Variants in CSMD1 observed in about 807,000 individuals in gnomAD.
CSMD1 encodes CUB and sushi domain-containing protein 1.
Under a neutral mutation model 417.5 loss-of-function variants are expected in CSMD1, and 213 were observed. The observed-to-expected ratio is 0.51, with a 90% CI of 0.46 to 0.57. The LOEUF (loss-of-function observed/expected upper bound fraction) is 0.57, where lower values mean the gene tolerates loss of function less well. Ranked by LOEUF, CSMD1 falls within the 20% of genes least tolerant of loss-of-function variation. The pLI is 0.00. For synonymous variants in CSMD1, 2,862 were observed against 1,736.8 expected (o/e 1.65, Z -16.11); for missense variants, 6,923 against 4,529.7 (o/e 1.53, Z -15.17).
At chr8:3,862,377 G>A (rs1410329742) in intron 5 of CSMD1, among the ~76,000 whole-genome samples, 2 of 147,560 alleles carry the variant, frequency 1.4e-5, no homozygotes, top group African/African-American at 5.2e-5. Flanking sequence ...CTCTGATGTG[G>A]CCCTTTCATT....
chr8:4,725,725 G>C (rs1809387587), intron 1 of CSMD1, among the ~76,000 whole-genome samples: 1 of 152,146 alleles, frequency 6.6e-6, no homozygotes, highest in South Asian at 2.1e-4. Context: ...TCAGATAACA[G>C]AGAAACAATT....
chr8:4,043,048 C>T (rs1362392013), intron 3 of CSMD1, among the ~76,000 whole-genome samples: 3 of 152,004 alleles, frequency 2.0e-5, no homozygotes, highest in Non-Finnish European at 4.4e-5. Flanking sequence ...AGGAGAATCA[C>T]TTGAACCTTG....
chr8:3,264,632 T>A (rs1250145278), intron 26 of CSMD1, among the ~76,000 whole-genome samples: 1 of 152,218 alleles, frequency 6.6e-6, no homozygotes, highest in Non-Finnish European at 1.5e-5. Flanking sequence ...ACTGCTTTTG[T>A]GTTTCTTTCT....
intron 26 of CSMD1, among the ~76,000 whole-genome samples, chr8:3,283,733 C>G (rs1802920809): frequency 1.3e-5 from 2 of 152,232 alleles, no homozygotes; most frequent in Non-Finnish European, 2.9e-5. Context: ...CATAGACACA[C>G]AGGGAAGAAG....
At chr8:4,027,303 T>C (rs901435256) in intron 4 of CSMD1, among the ~76,000 whole-genome samples, 7 of 151,844 alleles carry the variant, frequency 4.6e-5, no homozygotes, top group Non-Finnish European at 7.4e-5. Context: ...GAGTCAGGAG[T>C]AGAAAGTAGG....
chr8:3,200,558 CAAA>C (rs1221536334), intron 32 of CSMD1, among the ~76,000 whole-genome samples: 16 of 141,704 alleles, frequency 1.1e-4, no homozygotes, highest in African/African-American at 3.2e-4. Context: ...GACTTTGTCT[CAAA>C]AAAAAATAAT....
chr8:4,786,170 C>A lies in CSMD1; in HGVS notation c.86-148612G>T, dbSNP rs79553622. On this transcript the variant is annotated intron_variant, in intron 1 of 69. Coordinates refer to ENST00000635120, the MANE Select transcript of CSMD1 (RefSeq NM_033225.6). ...AACAGCCACTTATGAGCCCTGACAA[C>A]CCACCTGCTCTACCATCTTGGCTCT... Among the ~76,000 whole-genome samples, 103 of 152,294 alleles carry A rather than the reference C, an allele frequency of 6.8e-4. No homozygotes were observed. The East Asian group carries it at 0.011, about 16-fold the overall frequency.
chr8:3,780,742 T>C (rs2129062590), intron 5 of CSMD1, among the ~76,000 whole-genome samples: 1 of 152,250 alleles, frequency 6.6e-6, no homozygotes, highest in East Asian at 1.9e-4. Flanking sequence ...ATAAAGCCCA[T>C]TTAATCTCTT....
chr8:4,898,087 T>C (rs944925326), intron 1 of CSMD1, among the ~76,000 whole-genome samples: 1 of 152,100 alleles, frequency 6.6e-6, no homozygotes, highest in Non-Finnish European at 1.5e-5. Context: ...AAATGGATTA[T>C]TGGTTAAATG....
intron 5 of CSMD1, among the ~76,000 whole-genome samples, chr8:3,827,326 TAAAC>T (rs925137160): frequency 2.0e-5 from 3 of 152,200 alleles, no homozygotes; most frequent in Admixed American, 1.3e-4. Context: ...ATAAAAGAAT[TAAAC>T]AAAATTAATA....
At chr8:4,378,513 T>A (rs565338320) in intron 3 of CSMD1, among the ~76,000 whole-genome samples, 4 of 152,350 alleles carry the variant, frequency 2.6e-5, no homozygotes, top group Non-Finnish European at 4.4e-5. Context: ...TCTTTCTCTC[T>A]GTTCATATTC....
chr8:3,874,511 A>G (rs1173387339), intron 5 of CSMD1, among the ~76,000 whole-genome samples: 1 of 152,216 alleles, frequency 6.6e-6, no homozygotes, highest in African/African-American at 2.4e-5. Context: ...ATTGAAACAC[A>G]TGCTGTCGGC....
At chr8:3,626,171 C>A (rs973209994) in intron 7 of CSMD1, among the ~76,000 whole-genome samples, 2 of 152,200 alleles carry the variant, frequency 1.3e-5, no homozygotes, top group Non-Finnish European at 2.9e-5. Context: ...CGTCTCTATG[C>A]CTCCGGCTGG....
rs529498773 is a variant in CSMD1, at chr8:4,710,689, CA to C, written c.86-73132del. Reference sequence around the variant, plus strand: ...TGAAACCCCGTCTCTACTAAAAATACAAAAAATTAGCCCAGCATGGGGCCAC... The same window carrying C: ...TGAAACCCCGTCTCTACTAAAAATACAAAAATTAGCCCAGCATGGGGCCAC... On this transcript the variant is annotated intron_variant, in intron 1 of 69. Coordinates refer to ENST00000635120, the MANE Select transcript of CSMD1 (RefSeq NM_033225.6). Among the ~76,000 whole-genome samples, 314 of 151,356 alleles carry C rather than the reference CA, an allele frequency of 2.1e-3. 1 individual carries two copies. The highest frequency in any genetic ancestry group is 7.3e-3 in the African/African-American group (304 of 41,364).
At chr8:3,622,293 A>T (rs1411532514) in intron 7 of CSMD1, among the ~76,000 whole-genome samples, 1 of 152,210 alleles carries the variant, frequency 6.6e-6, no homozygotes, top group Non-Finnish European at 1.5e-5. Context: ...GCTGTGGCAA[A>T]TTAAAACAGC....
chr8:4,615,208 G>A (rs1355683216), intron 2 of CSMD1, among the ~76,000 whole-genome samples: 3 of 152,224 alleles, frequency 2.0e-5, no homozygotes, highest in Admixed American at 2.0e-4. Flanking sequence ...AGAAACAGAA[G>A]GAAATACGTG....
Position 3,709,494 on chromosome 8 carries a change from G to C in CSMD1, c.932-1003C>G, listed in dbSNP as rs75484485. On this transcript the variant is annotated intron_variant, in intron 6 of 69. Coordinates refer to ENST00000635120, the MANE Select transcript of CSMD1 (RefSeq NM_033225.6). Reference sequence around the variant, plus strand: ...CATTGGGCCAGAGGAGATTCTGGGGGTGTCTGTGAGAATGTCATGGATGAT... The same window carrying C: ...CATTGGGCCAGAGGAGATTCTGGGGCTGTCTGTGAGAATGTCATGGATGAT... 3.3e-3 allele frequency among the ~76,000 whole-genome samples: 496 copies of C among 152,078 alleles called. 3 individuals carry two copies. The highest frequency in any genetic ancestry group is 0.012 in the African/African-American group (484 of 41,480).
chr8:3,878,797 A>G (rs745970350), intron 5 of CSMD1, among the ~76,000 whole-genome samples: 3 of 152,180 alleles, frequency 2.0e-5, no homozygotes, highest in Non-Finnish European at 4.4e-5. Flanking sequence ...TTGAGTAACT[A>G]TAACGACGAC....
intron 7 of CSMD1, among the ~76,000 whole-genome samples, chr8:3,655,907 G>A (rs919074532): frequency 1.3e-5 from 2 of 152,134 alleles, no homozygotes; most frequent in Admixed American, 6.5e-5. Context: ...TAATCCTTGT[G>A]ATGCCAGGAA....
Sources: gnomAD v4.1 joint callset for allele counts (sites outside exome capture counted in the v4.1 genomes callset) on GRCh38, gnomAD v4.1.1 for gene constraint, MANE v1.5 for transcripts, NCBI Gene and HGNC (gene_info 2026-07-23, HGNC 2026-07-21) for gene names.